The following CFAP47 variants were observed in gnomAD, a reference collection of about 807,000 sequenced individuals.
CFAP47 encodes cilia- and flagella-associated protein 47.
In CFAP47, 29 loss-of-function variants were observed where a neutral mutation model predicts 148.1. The ratio of observed to expected loss-of-function variants is 0.20; its 90% confidence interval spans 0.15 to 0.27. The LOEUF (loss-of-function observed/expected upper bound fraction) is 0.27, where lower values mean the gene tolerates loss of function less well. CFAP47 is among the 10% of genes least tolerant of loss of function. The pLI, the probability that CFAP47 is intolerant of heterozygous loss-of-function variation, is 1.00. For missense variants in CFAP47, 1,872 were observed against 1,697.5 expected (o/e 1.10, Z -1.81); for synonymous variants, 664 against 577.3 (o/e 1.15, Z -2.15).
At position 36,353,593 on chromosome X, in the gene CFAP47, T is replaced by C. The variant is rs12860148; in HGVS notation, c.8763T>C (p.Gly2921=). ...AGGTAGAAATCATACTGAATGCTGGTTTTTTCGGATTTAGTCTTACTCCAG... is the reference window on the plus strand; with the variant it reads ...AGGTAGAAATCATACTGAATGCTGGCTTTTTCGGATTTAGTCTTACTCCAG... ...EEKVEIILNA[G]FFGFSLTPDL... The change falls in exon 60 of 64, where the codon GGT becomes GGC. Residue 2921 remains glycine (G), a synonymous_variant. Coordinates refer to ENST00000378653, the MANE Select transcript of CFAP47 (RefSeq NM_001304548.2). 6.0e-6 allele frequency: 7 copies of C among 1,160,910 alleles called. No individual in the cohort carries two copies. Among genetic ancestry groups the C allele is most frequent in the Admixed American group, 5.2e-5 (2 of 38,583 alleles).
intron 54 of CFAP47, among the ~76,000 whole-genome samples, chrX:36,306,435 G>A (rs139718239): frequency 6.1e-3 from 679 of 111,366 alleles, no homozygotes; most frequent in African/African-American, 0.021. Flanking sequence ...CTTGGGATGG[G>A]CAATATGCTA....
chrX:36,241,648 C>A (rs1940546049), intron 48 of CFAP47, among the ~76,000 whole-genome samples: 1 of 111,708 alleles, frequency 9.0e-6, no homozygotes, highest in Admixed American at 9.4e-5. Context: ...CATCATGCAG[C>A]TCAGGAGTAC....
rs1940034898 is a variant in CFAP47 at position 36,206,000 on chromosome X, C to T, written c.6817+890C>T. Among the ~76,000 whole-genome samples the T allele has an allele frequency of 3.6e-5, 4 of 111,608 alleles. No individual in the cohort carries two copies. In the Admixed American group the frequency reaches 3.8e-4, roughly 11 times the overall value. On this transcript the variant is annotated intron_variant, in intron 45 of 63. Transcript: ENST00000378653. ...CAAGATAGTCTGTTTACTTTCCCTCCCTAGGAGAACTGAGATCCCAGACTC... is the reference window on the plus strand; with the variant it reads ...CAAGATAGTCTGTTTACTTTCCCTCTCTAGGAGAACTGAGATCCCAGACTC...
intron 48 of CFAP47, among the ~76,000 whole-genome samples, chrX:36,246,041 A>G (rs781862944): frequency 9.0e-6 from 1 of 111,616 alleles, no homozygotes; most frequent in Non-Finnish European, 1.9e-5. Flanking sequence ...CCAAAAGTAA[A>G]TTGCAACAAA....
rs73197114 is a variant in CFAP47 at position 36,001,218 on chromosome X, A to G, written c.3323-395A>G. Among the ~76,000 whole-genome samples, 68 of 111,820 alleles carry G rather than the reference A, an allele frequency of 6.1e-4. 1 individual carries two copies. The highest frequency in any genetic ancestry group is 1.2e-3 in the Non-Finnish European group (63 of 53,119). ...GAAAAGTAAGTATATCAGTGAGGTAATGGATATGCATTTGTATTACTTACG... is the reference window on the plus strand; with the variant it reads ...GAAAAGTAAGTATATCAGTGAGGTAGTGGATATGCATTTGTATTACTTACG... On this transcript the variant is annotated intron_variant, in intron 20 of 63. Coordinates refer to ENST00000378653, the MANE Select transcript of CFAP47 (RefSeq NM_001304548.2).
intron 49 of CFAP47, among the ~76,000 whole-genome samples, chrX:36,255,599 C>T (rs1442991074): frequency 9.0e-6 from 1 of 110,842 alleles, no homozygotes; most frequent in Admixed American, 9.6e-5. Context: ...GACCTGTTGG[C>T]CATCTTCCAG....
chrX:36,197,672 C>T (rs1032419454), intron 42 of CFAP47, among the ~76,000 whole-genome samples: 1 of 111,797 alleles, frequency 8.9e-6, no homozygotes, highest in East Asian at 2.8e-4. Context: ...TTGTAAAGTA[C>T]GTGGCTGCTT....
At chrX:36,076,993 G>A (rs1423137215) in intron 29 of CFAP47, among the ~76,000 whole-genome samples, 1 of 110,027 alleles carries the variant, frequency 9.1e-6, no homozygotes, top group African/African-American at 3.3e-5. Context: ...ATTGAATACA[G>A]AATCCTTTCT....
chrX:36,268,360 A>G (rs1602081059), intron 49 of CFAP47, among the ~76,000 whole-genome samples: 1 of 113,130 alleles, frequency 8.8e-6, no homozygotes, highest in Non-Finnish European at 1.9e-5. Flanking sequence ...GAAACTGCCT[A>G]TACTCTGTCA....
intron 33 of CFAP47, among the ~76,000 whole-genome samples, chrX:36,117,837 T>G (rs1938667664): frequency 9.0e-6 from 1 of 111,659 alleles, no homozygotes; most frequent in African/African-American, 3.3e-5. Flanking sequence ...ATTCTACAGT[T>G]TTCCTTAAGT....
chrX:36,047,032 A>C lies in CFAP47; in HGVS notation c.4186A>C (p.Asn1396His). 1.7e-6 allele frequency: 2 copies of C among 1,161,589 alleles called. No individual in the cohort carries two copies. Among genetic ancestry groups the C allele is most frequent in the Non-Finnish European group, 2.3e-6 (2 of 868,540 alleles). The change falls in exon 26 of 64, where the codon AAT becomes CAT. Residue 1396 changes from asparagine to histidine, a missense_variant. Asn to His is a moderately conservative substitution (Grantham distance 68). Coordinates refer to ENST00000378653, the MANE Select transcript of CFAP47 (RefSeq NM_001304548.2). ...ATCTAAACCTGTGTCATTTTTTACC[A>C]ATCTTCTTTTCTGTGATGACAGAAA... ...KSSKPVSFFT[N>H]LLFCDDRKNW... is the part of the protein sequence containing the mutation.
intron 30 of CFAP47, among the ~76,000 whole-genome samples, chrX:36,092,803 ATTGACTAGAGTCAC>A (rs1938209165): frequency 9.1e-6 from 1 of 110,170 alleles, no homozygotes; most frequent in African/African-American, 3.3e-5. Context: ...TTAAATTATT[ATTGACTAGAGTCAC>A]TCTGTTGTGT....
chrX:36,188,454 AAAAC>A (rs1441705536), intron 40 of CFAP47, among the ~76,000 whole-genome samples, 162 bp from the exon 41 acceptor site: 1 of 111,946 alleles, frequency 8.9e-6, no homozygotes, highest in Non-Finnish European at 1.9e-5. Flanking sequence ...TTTAATTTCT[AAAAC>A]AATGTGAACA....
At chrX:35,986,587 A>G (rs1476141980) in intron 15 of CFAP47, among the ~76,000 whole-genome samples, 4 of 109,369 alleles carry the variant, frequency 3.7e-5, no homozygotes, top group Non-Finnish European at 1.9e-5. Flanking sequence ...GTTATTATCC[A>G]CCTTCTGAAG....
intron 45 of CFAP47, among the ~76,000 whole-genome samples, chrX:36,218,403 G>C (rs1440404026): frequency 9.0e-6 from 1 of 111,584 alleles, no homozygotes; most frequent in Non-Finnish European, 1.9e-5. Flanking sequence ...ACCCATGAAG[G>C]CCTACAGAAA....
At position 36,162,837 on chromosome X, in the gene CFAP47, G is replaced by T. The variant is rs189120870; in HGVS notation, c.6026+2068G>T. On this transcript the variant is annotated intron_variant, in intron 39 of 63. Transcript: ENST00000378653. ...AGTACAGTATTTTATTGAGGATTTT[G>T]CCTGTACAATTATAATATTTAATAG... is the stretch of plus-strand genomic sequence containing the variant. Among the ~76,000 whole-genome samples the T allele has an allele frequency of 3.9e-3, 432 of 111,530 alleles. 6 individuals carry two copies. The highest frequency in any genetic ancestry group is 0.031 in the Admixed American group (322 of 10,461).
At chrX:36,240,587 A>T (rs183987578) in intron 48 of CFAP47, among the ~76,000 whole-genome samples, 12 of 111,260 alleles carry the variant, frequency 1.1e-4, no homozygotes, top group Non-Finnish European at 2.1e-4. Flanking sequence ...AGTCTGGGGA[A>T]GAGGAAAAAA....
At chrX:36,245,169 G>A (rs1165395059) in intron 48 of CFAP47, among the ~76,000 whole-genome samples, 2 of 111,018 alleles carry the variant, frequency 1.8e-5, no homozygotes, top group Non-Finnish European at 3.8e-5. Flanking sequence ...CTCTTCATGG[G>A]AAACACCTTC....
intron 27 of CFAP47, among the ~76,000 whole-genome samples, chrX:36,068,945 ACTC>A (rs1213745219): frequency 9.6e-6 from 1 of 104,430 alleles, no homozygotes; most frequent in Non-Finnish European, 2.0e-5. Flanking sequence ...ACAGAGCGAG[ACTC>A]CTCAATTAAA....
Sources: gnomAD v4.1 joint callset for allele counts (sites outside exome capture counted in the v4.1 genomes callset) on GRCh38, gnomAD v4.1.1 for gene constraint, MANE v1.5 for transcripts, NCBI Gene and HGNC (gene_info 2026-07-23, HGNC 2026-07-21) for gene names.